PTPRJ: variants seen among roughly 807,000 people sequenced by gnomAD.
PTPRJ encodes the protein protein tyrosine phosphatase receptor type J.
Under a neutral mutation model 141.3 loss-of-function variants are expected in PTPRJ, and 129 were observed. The ratio of observed to expected loss-of-function variants is 0.91; its 90% CI spans 0.79 to 1.06. The LOEUF (loss-of-function observed/expected upper bound fraction) is 1.06, where lower values mean the gene tolerates loss of function less well. Among genes scored for constraint, PTPRJ ranks in the 50% least tolerant of loss-of-function variants. PTPRJ has a pLI of 0.00. For synonymous variants in PTPRJ, 610 were observed against 640.5 expected, an observed-to-expected ratio of 0.95 and a Z score of 0.72; for missense variants, 1,601 against 1,679.7, an observed-to-expected ratio of 0.95 and a Z score of 0.82.
At chr11:48,065,424 C>G (rs1441595144) in intron 1 of PTPRJ, among the ~76,000 whole-genome samples, 1 of 152,154 alleles carries the variant, frequency 6.6e-6, no homozygotes, top group Non-Finnish European at 1.5e-5. Context: ...TTCTTCTTGT[C>G]TTCATTCCCC....
chr11:48,080,201 A>C (rs1855521706), intron 1 of PTPRJ, among the ~76,000 whole-genome samples: 1 of 152,244 alleles, frequency 6.6e-6, no homozygotes, highest in Non-Finnish European at 1.5e-5. Context: ...TGGATTTATC[A>C]AAGCCGGTTG....
At chr11:48,107,173 C>A (rs1245259646) in intron 1 of PTPRJ, among the ~76,000 whole-genome samples, 3 of 151,864 alleles carry the variant, frequency 2.0e-5, no homozygotes, top group Admixed American at 1.3e-4. Flanking sequence ...TTAACCATTT[C>A]TTTTTCTCTG....
chr11:48,113,242 A>G (rs1319988120), intron 3 of PTPRJ, among the ~76,000 whole-genome samples: 1 of 152,244 alleles, frequency 6.6e-6, no homozygotes. Context: ...GCCTGTGTGC[A>G]TATGTATATA....
intron 1 of PTPRJ, among the ~76,000 whole-genome samples, chr11:48,106,284 G>A (rs981119686): frequency 3.9e-5 from 6 of 152,154 alleles, no homozygotes; most frequent in East Asian, 3.8e-4. Flanking sequence ...ATACACGGCC[G>A]TAGATACAAC....
intron 1 of PTPRJ, among the ~76,000 whole-genome samples, chr11:48,051,242 G>T (rs1008191350): frequency 6.6e-6 from 1 of 151,748 alleles, no homozygotes; most frequent in African/African-American, 2.4e-5. Context: ...TTACAGGTGC[G>T]CACCACCACG....
intron 1 of PTPRJ, among the ~76,000 whole-genome samples, chr11:48,002,905 G>A (rs532687920): frequency 1.3e-5 from 2 of 151,930 alleles, no homozygotes; most frequent in African/African-American, 4.8e-5. Context: ...TCCTAGTTAG[G>A]TAACAGTGGT....
intron 1 of PTPRJ, among the ~76,000 whole-genome samples, chr11:48,047,786 G>T (rs1361174721): frequency 6.6e-6 from 1 of 152,176 alleles, no homozygotes; most frequent in Non-Finnish European, 1.5e-5. Context: ...TCCAAGTTGA[G>T]CCACTGGTGA....
intron 1 of PTPRJ, among the ~76,000 whole-genome samples, chr11:48,096,608 C>T (rs11599936): frequency 0.15 from 22,265 of 150,778 alleles, 1,721 homozygotes; most frequent in East Asian, 0.28. Flanking sequence ...GAGTTTTCCT[C>T]AAACCAAACC....
rs78523868 is a variant in PTPRJ, at chr11:47,984,543, T to C, written c.96+3535T>C. Among the ~76,000 whole-genome samples, 1,168 of 152,030 alleles carry C rather than the reference T, an allele frequency of 7.7e-3. 14 individuals carry two copies. Among genetic ancestry groups the C allele is most frequent in the African/African-American group, 0.026 (1,084 of 41,452 alleles). On this transcript the variant is annotated intron_variant, in intron 1 of 24. Transcript: ENST00000418331. Reference sequence around the variant, plus strand: ...CATTTCAGAAATACCAAGAGGTAGGTGCTGTTCTTGTTTATTTGTTTGTTT... The same window carrying C: ...CATTTCAGAAATACCAAGAGGTAGGCGCTGTTCTTGTTTATTTGTTTGTTT...
At chr11:48,102,272 T>A (rs563158314) in intron 1 of PTPRJ, among the ~76,000 whole-genome samples, 1 of 152,334 alleles carries the variant, frequency 6.6e-6, no homozygotes, top group African/African-American at 2.4e-5. Context: ...TACTAGGGAA[T>A]GGCTGTGAAC....
chr11:48,077,706 T>G (rs1855442477), intron 1 of PTPRJ, among the ~76,000 whole-genome samples: 1 of 152,222 alleles, frequency 6.6e-6, no homozygotes, highest in African/African-American at 2.4e-5. Context: ...TCTTTTTCCC[T>G]GCTCCGAAAT....
intron 1 of PTPRJ, among the ~76,000 whole-genome samples, chr11:48,034,483 G>A (rs1429577232): frequency 6.6e-6 from 1 of 152,106 alleles, no homozygotes; most frequent in African/African-American, 2.4e-5. Flanking sequence ...TTGTGTTAAA[G>A]GATACCTCTA....
At chr11:48,040,973 C>G (rs140570818) in intron 1 of PTPRJ, among the ~76,000 whole-genome samples, 2 of 152,228 alleles carry the variant, frequency 1.3e-5, no homozygotes, top group East Asian at 3.9e-4. Flanking sequence ...ACTGCCCTCT[C>G]TTTTATGGAC....
At chr11:48,053,991 G>A (rs1481293070) in intron 1 of PTPRJ, among the ~76,000 whole-genome samples, 1 of 148,626 alleles carries the variant, frequency 6.7e-6, no homozygotes, top group Non-Finnish European at 1.5e-5. Flanking sequence ...GGAGTGCAGT[G>A]GCATGATCTC....
intron 1 of PTPRJ, among the ~76,000 whole-genome samples, chr11:48,061,842 C>T (rs1210237872): frequency 1.3e-5 from 2 of 151,806 alleles, no homozygotes; most frequent in African/African-American, 4.8e-5. Context: ...TGGACATGTT[C>T]CTTAACTTTC....
intron 1 of PTPRJ, among the ~76,000 whole-genome samples, chr11:48,016,666 G>A (rs187424729): frequency 6.6e-6 from 1 of 152,278 alleles, no homozygotes; most frequent in African/African-American, 2.4e-5. Context: ...AGCCTCACAG[G>A]ATGGTCATGA....
chr11:48,018,718 G>T (rs923988008), intron 1 of PTPRJ, among the ~76,000 whole-genome samples: 1 of 152,188 alleles, frequency 6.6e-6, no homozygotes, highest in Non-Finnish European at 1.5e-5. Context: ...CCGAACTGGG[G>T]GTGCGGAATG....
At chr11:48,138,466 A>G (rs1313990139) in intron 10 of PTPRJ, among the ~76,000 whole-genome samples, 2 of 152,128 alleles carry the variant, frequency 1.3e-5, no homozygotes, top group Non-Finnish European at 1.5e-5. Flanking sequence ...GTGTTGCACT[A>G]GGTGCCTTGG....
rs750897831 is a variant in PTPRJ, at chr11:48,159,953, C to A, written c.3462C>A (p.Pro1154=). Residue 1154 remains proline, a synonymous_variant, in exon 22 of 25, where the codon CCC becomes CCA. Transcript: ENST00000418331. ...AGACCAAATGTGAGGAGTATTGGCC[C>A]TCCAAGCAGGCTCAGGACTATGGAG... The part of the protein sequence containing the change: ...QGRTKCEEYW[P]SKQAQDYGDI... 1.2e-6 allele frequency: 2 copies of A among 1,613,876 alleles called. No individual in the cohort carries two copies. Among genetic ancestry groups the A allele is most frequent in the Non-Finnish European group, 1.7e-6 (2 of 1,179,918 alleles).
Sources: gnomAD v4.1 joint callset for allele counts (sites outside exome capture counted in the v4.1 genomes callset) on GRCh38, gnomAD v4.1.1 for gene constraint, MANE v1.5 for transcripts, NCBI Gene and HGNC (gene_info 2026-07-23, HGNC 2026-07-21) for gene names.